The following MYO16 variants were observed in gnomAD, a reference collection of about 807,000 sequenced individuals.
MYO16 encodes myosin XVI.
MYO16 carries 94 observed loss-of-function variants against 205.3 expected under a neutral mutation model. The ratio of observed to expected loss-of-function variants is 0.46; its 90% CI spans 0.39 to 0.54. The LOEUF (loss-of-function observed/expected upper bound fraction) is 0.54. Among genes scored for constraint, MYO16 ranks in the 20% least tolerant of loss-of-function variants. MYO16 has a pLI of 0.00. For missense variants in MYO16, 2,315 were observed against 2,387.5 expected (o/e 0.97, Z 0.63); for synonymous variants, 988 against 954.0 (o/e 1.04, Z -0.66).
At chr13:108,963,876 C>G (rs750237657) in intron 19 of MYO16, among the ~76,000 whole-genome samples, 4 of 152,332 alleles carry the variant, frequency 2.6e-5, no homozygotes, top group Admixed American at 6.5e-5. Flanking sequence ...GTCAATTTCA[C>G]AATGTCATAA....
intron 3 of MYO16, among the ~76,000 whole-genome samples, chr13:108,714,594 G>GTGTC (rs375302573): frequency 1.4e-5 from 2 of 138,882 alleles, no homozygotes; most frequent in Admixed American, 7.4e-5. Context: ...GTGTGTGTCT[G>GTGTC]TGTGTGTGTG....
chr13:108,950,145 G>A (rs1287123576), intron 16 of MYO16, among the ~76,000 whole-genome samples: 2 of 152,082 alleles, frequency 1.3e-5, no homozygotes, highest in Non-Finnish European at 2.9e-5. Flanking sequence ...AAGAACTTAA[G>A]CTTGACATCA....
chr13:108,584,690 T>C, the MYO16 span, among the ~76,000 whole-genome samples: 11 of 152,162 alleles, frequency 7.2e-5, no homozygotes, highest in Admixed American at 2.0e-4. Context: ...TTACCCTTTT[T>C]TAGCTCCCAC....
chr13:108,957,838 C>A, intron 17 of MYO16, 39 bp downstream of exon 17: 1 of 1,443,906 alleles, frequency 6.9e-7, no homozygotes, highest in South Asian at 1.2e-5. Flanking sequence ...GAAAATCAAC[C>A]TTCTACTAAT....
At chr13:108,860,983 C>T (rs150771776) in intron 11 of MYO16, among the ~76,000 whole-genome samples, 280 of 152,272 alleles carry the variant, frequency 1.8e-3, no homozygotes, top group African/African-American at 6.5e-3. Context: ...TAGTAAGGTC[C>T]TTGCAGATGT....
intron 28 of MYO16, among the ~76,000 whole-genome samples, chr13:109,108,259 TTGAATGAA>T (rs1407299207): frequency 6.6e-6 from 1 of 152,212 alleles, no homozygotes; most frequent in African/African-American, 2.4e-5. Context: ...CTTGTGTTTG[TTGAATGAA>T]TGAATGAATA....
At chr13:109,168,532 TG>T (rs1184276361) in intron 33 of MYO16, among the ~76,000 whole-genome samples, 1 of 152,170 alleles carries the variant, frequency 6.6e-6, no homozygotes, top group African/African-American at 2.4e-5. Context: ...GAGACCAGCC[TG>T]GCCAACATGG....
intron 1 of MYO16, among the ~76,000 whole-genome samples, chr13:108,612,929 G>A (rs1879227296): frequency 6.6e-6 from 1 of 152,172 alleles, no homozygotes; most frequent in Non-Finnish European, 1.5e-5. Flanking sequence ...GCCAGGTTAA[G>A]AAGAAGGGGT....
At chr13:109,042,367 A>G (rs558621135) in intron 23 of MYO16, among the ~76,000 whole-genome samples, 2 of 152,330 alleles carry the variant, frequency 1.3e-5, no homozygotes, top group East Asian at 3.9e-4. Context: ...ACATTGGTTG[A>G]TCCAGTACTC....
chr13:108,567,063 T>C, the MYO16 span, among the ~76,000 whole-genome samples: 1 of 152,160 alleles, frequency 6.6e-6, no homozygotes, highest in East Asian at 1.9e-4. Context: ...GTATTGAATA[T>C]CTTTGAGCTG....
At chr13:109,056,114 G>C (rs934893536) in intron 27 of MYO16, 3 of 154,168 alleles carry the variant, frequency 1.9e-5, no homozygotes, top group Non-Finnish European at 2.9e-5. Context: ...GAGATAGACA[G>C]TGTGCCATGG....
intron 9 of MYO16, among the ~76,000 whole-genome samples, chr13:108,837,094 C>T (rs1006177189): frequency 3.9e-5 from 6 of 152,176 alleles, no homozygotes; most frequent in South Asian, 4.1e-4. Flanking sequence ...ATAATCCCCA[C>T]GTGTGGTGGG....
At chr13:108,911,220 AT>A (rs66508458) in intron 16 of MYO16, among the ~76,000 whole-genome samples, 31,759 of 151,874 alleles carry the variant, frequency 0.21, 3,987 homozygotes, top group East Asian at 0.67. Context: ...CTGCAAAAAA[AT>A]ATCTCCAGTT....
chr13:108,810,538 T>C (rs1887257872), intron 7 of MYO16, among the ~76,000 whole-genome samples: 2 of 152,250 alleles, frequency 1.3e-5, no homozygotes, highest in South Asian at 4.1e-4. Flanking sequence ...AAAAATAGTA[T>C]ATGACATCTA....
intron 20 of MYO16, among the ~76,000 whole-genome samples, chr13:108,972,249 C>CTCTCTATATATATATATATATATATATA (rs1178345437): frequency 3.5e-4 from 1 of 2,850 alleles, no homozygotes; most frequent in African/African-American, 1.3e-3. Flanking sequence ...CTCTCTCTCT[C>CTCTCTATATATATATATATATATATATA]TATATATATA....
chr13:108,910,193 A>G (rs1484007289), intron 16 of MYO16, 43 bp downstream of exon 16: 2 of 1,567,536 alleles, frequency 1.3e-6, no homozygotes, highest in Non-Finnish European at 1.7e-6. Flanking sequence ...ATGCCTTCAA[A>G]TTGTGATTGC....
chr13:109,156,727 C>T (rs1878063990), intron 32 of MYO16, among the ~76,000 whole-genome samples: 1 of 152,156 alleles, frequency 6.6e-6, no homozygotes, highest in Non-Finnish European at 1.5e-5. Flanking sequence ...GCCACACAGT[C>T]CTGCCCTCTG....
At chr13:108,613,035 A>G (rs971400034) in intron 1 of MYO16, among the ~76,000 whole-genome samples, 1 of 152,162 alleles carries the variant, frequency 6.6e-6, no homozygotes, top group South Asian at 2.1e-4. Flanking sequence ...AGAGACAAAA[A>G]GTAAAGCTAA....
intron 4 of MYO16, among the ~76,000 whole-genome samples, chr13:108,749,290 T>C (rs1465199648): frequency 1.3e-5 from 2 of 152,196 alleles, no homozygotes; most frequent in African/African-American, 4.8e-5. Context: ...AAGTGTTTTG[T>C]CCTTTGACCA....
Sources: allele counts gnomAD v4.1 joint callset (sites outside exome capture counted in the v4.1 genomes callset), GRCh38; gene constraint gnomAD v4.1.1; transcripts MANE v1.5; gene names NCBI Gene and HGNC (gene_info 2026-07-23, HGNC 2026-07-21).